SYTL3: variants seen among roughly 807,000 people sequenced by gnomAD.
The protein encoded by SYTL3 is synaptotagmin-like protein 3.
Under a neutral mutation model 82.1 loss-of-function variants are expected in SYTL3, and 88 were observed. The ratio of observed to expected loss-of-function variants is 1.07; its 90% CI spans 0.90 to 1.28. The LOEUF (loss-of-function observed/expected upper bound fraction) is 1.28. Among genes scored for constraint, SYTL3 ranks in the 50% most tolerant of loss-of-function variants. SYTL3 has a pLI of 0.00. For missense variants in SYTL3, 831 were observed against 757.6 expected, an observed-to-expected ratio of 1.10 and a Z score of -1.14; for synonymous variants, 311 against 289.4, an observed-to-expected ratio of 1.07 and a Z score of -0.76.
At chr6:158,739,570 ATCTC>A (rs954311013) in intron 11 of SYTL3, among the ~76,000 whole-genome samples, 1 of 149,458 alleles carries the variant, frequency 6.7e-6, no homozygotes. Flanking sequence ...CTCTCCCTCT[ATCTC>A]TCTCTCTCTG....
chr6:158,722,037 C>T (rs1176861483), intron 10 of SYTL3, among the ~76,000 whole-genome samples: 1 of 152,162 alleles, frequency 6.6e-6, no homozygotes, highest in Non-Finnish European at 1.5e-5. Flanking sequence ...ATTAATATTT[C>T]ATCAATATTA....
rs142295703 is a variant in SYTL3 at position 158,679,624 on chromosome 6, C to T, written c.330-3301C>T. ...CCCAAGAGATCCTCGAGTTTATGCC[C>T]AAATCTCTATATGCCAAATTAGCTC... is the stretch of plus-strand genomic sequence containing the variant. On this transcript the variant is annotated intron_variant, in intron 5 of 17. Transcript: ENST00000611299. 3.7e-4 allele frequency among the ~76,000 whole-genome samples: 56 copies of T among 152,200 alleles called. No individual in the cohort carries two copies. The East Asian group carries it at 0.01, about 28-fold the overall frequency.
At chr6:158,645,258 G>T (rs546221117), upstream of SYTL3, among the ~76,000 whole-genome samples, 2 of 152,082 alleles carry the variant, frequency 1.3e-5, no homozygotes, top group East Asian at 3.9e-4. Context: ...TTTCCTTTAA[G>T]CACCATTAAA....
intron 5 of SYTL3, among the ~76,000 whole-genome samples, chr6:158,678,832 T>A (rs895716201): frequency 1.1e-4 from 16 of 152,112 alleles, no homozygotes; most frequent in Admixed American, 6.6e-4. Flanking sequence ...ATTGAAAAAA[T>A]TTTTAAAGAA....
At chr6:158,669,873 G>C (rs751725306) in intron 5 of SYTL3, among the ~76,000 whole-genome samples, 5 of 152,196 alleles carry the variant, frequency 3.3e-5, no homozygotes, top group Admixed American at 2.6e-4. Context: ...ATGCCCAAGC[G>C]GGAGGATCAC....
Position 158,708,330 on chromosome 6 carries a change from C to T in SYTL3, c.455C>T (p.Ser152Phe). The stretch of plus-strand genomic sequence containing the variant: ...TGTGTTTTCCTTGGCAGCAAAATTT[C>T]TGTGGTTCCTCCTACTCCACCTCCT... ...LQSYQKLSKISVVPPTPPPVS... is the reference protein window; with the variant it reads ...LQSYQKLSKIFVVPPTPPPVS... Residue 152 changes from serine to phenylalanine, a missense_variant, in exon 8 of 18, where the codon TCT becomes TTT. Ser to Phe is a radical substitution (Grantham distance 155). Coordinates refer to ENST00000611299, the MANE Select transcript of SYTL3 (RefSeq NM_001242394.2). The T allele has an allele frequency of 6.2e-7, 1 of 1,614,166 alleles. No individual in the cohort carries two copies. Among genetic ancestry groups the T allele is most frequent in the Non-Finnish European group, 8.5e-7 (1 of 1,180,002 alleles).
At chr6:158,676,549 A>G (rs199874081) in intron 5 of SYTL3, among the ~76,000 whole-genome samples, 2,031 of 152,108 alleles carry the variant, frequency 0.013, 26 homozygotes, top group African/African-American at 0.027. Context: ...GCCAAAATTG[A>G]CAAATGGGAT....
intron 10 of SYTL3, among the ~76,000 whole-genome samples, chr6:158,721,899 T>C (rs1191894026): frequency 1.3e-5 from 2 of 152,162 alleles, no homozygotes; most frequent in African/African-American, 4.8e-5. Flanking sequence ...CCCAAAGTGC[T>C]GGGATTACAG....
At chr6:158,740,858 A>C (rs944165189) in intron 11 of SYTL3, among the ~76,000 whole-genome samples, 2 of 152,164 alleles carry the variant, frequency 1.3e-5, no homozygotes, top group African/African-American at 4.8e-5. Flanking sequence ...CATTTTTGCC[A>C]AAGAGAAATG....
chr6:158,656,649 C>T (rs137994438), intron 2 of SYTL3, among the ~76,000 whole-genome samples: 32 of 151,972 alleles, frequency 2.1e-4, no homozygotes, highest in African/African-American at 7.2e-4. Context: ...GGCGTAAACC[C>T]GGGAGGTGGA....
intron 2 of SYTL3, among the ~76,000 whole-genome samples, chr6:158,658,844 A>C (rs1167700310): frequency 6.6e-6 from 1 of 152,088 alleles, no homozygotes; most frequent in African/African-American, 2.4e-5. Flanking sequence ...CAGGAGAATC[A>C]CTTGAACCTG....
At chr6:158,762,902 A>G (rs1175806482) in intron 16 of SYTL3, among the ~76,000 whole-genome samples, 1 of 152,120 alleles carries the variant, frequency 6.6e-6, no homozygotes, top group Admixed American at 6.6e-5. Context: ...GGGCGACAGA[A>G]CAAAACTCCG....
chr6:158,694,174 A>C (rs1018741404), intron 6 of SYTL3, among the ~76,000 whole-genome samples: 33 of 152,150 alleles, frequency 2.2e-4, no homozygotes, highest in African/African-American at 4.8e-5. Flanking sequence ...AACTAAGTAG[A>C]GCCAAGACTA....
intron 2 of SYTL3, among the ~76,000 whole-genome samples, chr6:158,660,234 C>T (rs1583139515): frequency 2.0e-5 from 3 of 152,240 alleles, no homozygotes; most frequent in East Asian, 3.9e-4. Flanking sequence ...CACTGCACTC[C>T]AGCCTGGACA....
chr6:158,749,505 C>CT lies in SYTL3; in HGVS notation c.1035-2422dup, dbSNP rs1217000691. ...GAAATGAACACCTTCTTTTCTTTCT[C>CT]TCTTTTTTTTTTTTTTTTTTTTTTT... On this transcript the variant is annotated intron_variant, in intron 12 of 17. Coordinates refer to ENST00000611299, the MANE Select transcript of SYTL3 (RefSeq NM_001242394.2). Among the ~76,000 whole-genome samples, 530 of 94,260 alleles carry CT rather than the reference C, an allele frequency of 5.6e-3. 9 individuals carry two copies. The highest frequency in any genetic ancestry group is 0.018 in the African/African-American group (465 of 25,212). 61.8% of individuals were successfully genotyped at this position (94,260 alleles called of 152,430 possible). A position where few individuals can be genotyped will look rare whatever the true frequency, so the allele number is the denominator to read the frequency against.
At chr6:158,712,640 T>C (rs1337724556) in intron 8 of SYTL3, among the ~76,000 whole-genome samples, 1 of 152,232 alleles carries the variant, frequency 6.6e-6, no homozygotes, top group Admixed American at 6.5e-5. Flanking sequence ...ATTTTGATCT[T>C]TCATCGTTTA....
intron 2 of SYTL3, among the ~76,000 whole-genome samples, chr6:158,659,006 A>G (rs962523503): frequency 2.0e-5 from 3 of 152,216 alleles, no homozygotes; most frequent in Admixed American, 1.3e-4. Flanking sequence ...GGGTTGGTTG[A>G]TTGTTGTTCT....
chr6:158,645,725 T>C (rs145319714), upstream of SYTL3, among the ~76,000 whole-genome samples: 1 of 152,296 alleles, frequency 6.6e-6, no homozygotes, highest in East Asian at 1.9e-4. Flanking sequence ...AGGGTCTTAT[T>C]AGAGCCCTTC....
At chr6:158,688,613 A>G (rs1014659244) in intron 6 of SYTL3, among the ~76,000 whole-genome samples, 6 of 152,216 alleles carry the variant, frequency 3.9e-5, no homozygotes, top group African/African-American at 9.6e-5. Context: ...AATTAAATGA[A>G]ATTAAAAAAT....
Sources: gnomAD v4.1 joint callset for allele counts (sites outside exome capture counted in the v4.1 genomes callset) on GRCh38, gnomAD v4.1.1 for gene constraint, MANE v1.5 for transcripts, NCBI Gene and HGNC (gene_info 2026-07-23, HGNC 2026-07-21) for gene names.